Variants in MRC1 observed in about 807,000 individuals in gnomAD.
The protein encoded by MRC1 is macrophage mannose receptor 1.
Under a neutral mutation model 102.9 loss-of-function variants are expected in MRC1, and 62 were observed. The observed-to-expected ratio is 0.60, with a 90% confidence interval of 0.49 to 0.74. The LOEUF is 0.74. MRC1 is among the 30% of genes least tolerant of loss of function. The probability of loss-of-function intolerance (pLI) is 0.00; values close to 1 mark genes in which losing one functional copy is unlikely to be tolerated. For synonymous variants in MRC1, 457 were observed against 298.4 expected, an observed-to-expected ratio of 1.53 and a Z score of -5.48; for missense variants, 1,237 against 862.8, an observed-to-expected ratio of 1.43 and a Z score of -5.43.
intron 7 of MRC1, among the ~76,000 whole-genome samples, chr10:17,851,367 C>T (rs1838913897): frequency 6.6e-6 from 1 of 151,670 alleles, no homozygotes; most frequent in Non-Finnish European, 1.5e-5. Flanking sequence ...TGTTTCTAAA[C>T]AAAAACCTAG....
chr10:17,900,813 A>G lies in MRC1; in HGVS notation c.3509A>G (p.Asp1170Gly). 2 of 780,806 alleles carry G rather than the reference A, an allele frequency of 2.6e-6. No homozygotes were observed. Among genetic ancestry groups the G allele is most frequent in the South Asian group, 2.7e-5 (2 of 74,616 alleles). The allele number at this position is 780,806 out of a possible 1,614,324, so 48.4% of individuals were successfully genotyped here. A position where few individuals can be genotyped will look rare whatever the true frequency, so the allele number is the denominator to read the frequency against. Residue 1170 changes from aspartate (D) to glycine (G), a missense_variant, in exon 25 of 30, where the codon GAT becomes GGT. Physicochemically the swap from Asp to Gly is moderately conservative, Grantham distance 94. Coordinates refer to ENST00000569591, the MANE Select transcript of MRC1 (RefSeq NM_002438.4). ...ACTGATAATCAATACACTTGGACTGATAAGTGGAGGGTGAGGTACACTAAC... is the reference window on the plus strand; with the variant it reads ...ACTGATAATCAATACACTTGGACTGGTAAGTGGAGGGTGAGGTACACTAAC... The part of the protein sequence containing the change: ...NLTDNQYTWT[D>G]KWRVRYTNWA...
intron 1 of MRC1, among the ~76,000 whole-genome samples, chr10:17,811,354 G>A (rs2130565811): frequency 1.3e-5 from 2 of 152,246 alleles, no homozygotes; most frequent in Middle Eastern, 3.4e-3. Flanking sequence ...AATGCTTTGA[G>A]CAATAGTGTT....
intron 17 of MRC1, among the ~76,000 whole-genome samples, chr10:17,876,333 C>T (rs1833437022): frequency 6.6e-6 from 1 of 151,794 alleles, no homozygotes; most frequent in African/African-American, 2.4e-5. Flanking sequence ...CTGCAACCTC[C>T]ACCTACTGGG....
intron 22 of MRC1, among the ~76,000 whole-genome samples, chr10:17,892,020 G>A (rs1168338572): frequency 1.3e-5 from 2 of 152,200 alleles, no homozygotes; most frequent in African/African-American, 4.8e-5. Context: ...GAAAGCTAGA[G>A]AGGCTGGAGT....
rs1430340721 is a variant in MRC1, at chr10:17,845,865, TAA to T, written c.1063+432_1063+433del. Among the ~76,000 whole-genome samples, 11 of 152,200 alleles carry T rather than the reference TAA, an allele frequency of 7.2e-5. 1 individual carries two copies. The highest frequency in any genetic ancestry group is 1.5e-5 in the Non-Finnish European group (1 of 68,036). On this transcript the variant is annotated intron_variant, in intron 6 of 29. Coordinates refer to ENST00000569591, the MANE Select transcript of MRC1 (RefSeq NM_002438.4). ...TGCTATTCAGTGTAGCGTCTTATAC[TAA>T]AGTTTTCATAAAATAGAATAAAATA...
At chr10:17,893,204 G>GGAGTGCA (rs1833706024) in intron 22 of MRC1, among the ~76,000 whole-genome samples, 1 of 143,146 alleles carries the variant, frequency 7.0e-6, no homozygotes, top group Non-Finnish European at 1.5e-5. Flanking sequence ...CAGCTTGGCT[G>GGAGTGCA]GAGTGCAGTG....
intron 15 of MRC1, among the ~76,000 whole-genome samples, chr10:17,872,922 A>G (rs1833374925): frequency 6.6e-6 from 1 of 152,132 alleles, no homozygotes; most frequent in African/African-American, 2.4e-5. Flanking sequence ...AACCATTTCA[A>G]CTCTATGGCT....
At chr10:17,868,508 C>T (rs1018243278) in intron 12 of MRC1, among the ~76,000 whole-genome samples, 1 of 152,178 alleles carries the variant, frequency 6.6e-6, no homozygotes, top group Non-Finnish European at 1.5e-5. Flanking sequence ...CAGGTCCCTC[C>T]TTCAACATGT....
chr10:17,887,233 C>CA (rs1286794135), intron 22 of MRC1, among the ~76,000 whole-genome samples: 8 of 151,702 alleles, frequency 5.3e-5, no homozygotes, highest in East Asian at 3.9e-4. Context: ...ACTAAAAATA[C>CA]AAAAAAAATT....
At chr10:17,850,135 T>C (rs1838891680) in intron 7 of MRC1, among the ~76,000 whole-genome samples, 1 of 152,182 alleles carries the variant, frequency 6.6e-6, no homozygotes, top group Admixed American at 6.6e-5. Flanking sequence ...CTTCTTTTTT[T>C]AGGTCCATAT....
intron 17 of MRC1, 121 bp downstream of exon 17, chr10:17,875,374 A>C: frequency 4.2e-6 from 3 of 719,546 alleles, no homozygotes; most frequent in Non-Finnish European, 7.6e-6. Context: ...TCACCTGAGC[A>C]GTATACGCTG....
intron 28 of MRC1, among the ~76,000 whole-genome samples, chr10:17,908,812 A>C (rs982756110): frequency 1.2e-4 from 19 of 152,140 alleles, no homozygotes; most frequent in Middle Eastern, 3.4e-3. Flanking sequence ...CAGGTGTTCC[A>C]CCTGCCTCAG....
Position 17,833,700 on chromosome 10 carries a change from T to G in MRC1, c.663T>G (p.Asn221Lys). ...TTGAGGGCAGTGAAAGCTTATGGAA[T>G]AAAGACCCGCTGACCAGCGTTTCCT... is the stretch of plus-strand genomic sequence containing the variant. ...LKFEGSESLW[N>K]KDPLTSVSYQ... Residue 221 changes from asparagine to lysine, a missense_variant, in exon 4 of 30, where the codon AAT (asparagine) becomes AAG (lysine). Physicochemically the swap from Asn to Lys is moderately conservative, Grantham distance 94. Coordinates refer to ENST00000569591, the MANE Select transcript of MRC1 (RefSeq NM_002438.4). 1.3e-6 allele frequency: 1 copy of G among 781,040 alleles called. No individual in the cohort carries two copies. The highest frequency in any genetic ancestry group is 1.3e-5 in the South Asian group (1 of 74,622). The allele number at this position is 781,040 out of a possible 1,614,324, so 48.4% of individuals were successfully genotyped here.
At position 17,894,272 on chromosome 10, in the gene MRC1, C is replaced by T. The variant is rs1383149016; in HGVS notation, c.3210C>T (p.Thr1070=). ...AAGCAGGAAAATGGATGGATGATAC[C>T]TGCGACAGTAAACGAGGCTACATAT... ...SNEAGKWMDD[T]CDSKRGYICQ... is the part of the protein sequence containing the mutation. Residue 1070 remains threonine (T), a synonymous_variant, in exon 23 of 30, where the codon ACC becomes ACT. Transcript: ENST00000569591. 9 of 872,312 alleles carry T rather than the reference C, an allele frequency of 1.0e-5. No homozygotes were observed. Among genetic ancestry groups the T allele is most frequent in the African/African-American group, 1.6e-5 (1 of 61,194 alleles). 54.0% of individuals were successfully genotyped at this position (872,312 alleles called of 1,614,324 possible). A position where few individuals can be genotyped will look rare whatever the true frequency, so the allele number is the denominator to read the frequency against.
intron 8 of MRC1, 56 bp from the exon 9 acceptor site, chr10:17,856,186 A>G: frequency 1.3e-6 from 1 of 758,232 alleles, no homozygotes; most frequent in Non-Finnish European, 2.3e-6. Flanking sequence ...AAAAAAAAAA[A>G]AAAGGTCCCC....
rs950412146 is a variant in MRC1, at chr10:17,872,938, T to A, written c.2344+812T>A. Among the ~76,000 whole-genome samples the A allele has an allele frequency of 1.5e-3, 234 of 152,326 alleles. 1 individual carries two copies. Among genetic ancestry groups the A allele is most frequent in the African/African-American group, 5.4e-3 (223 of 41,574 alleles). ...ACCATTTCAACTCTATGGCTGGAGA[T>A]GACTTACTGCTCTGTTTATTTTCCA... On this transcript the variant is annotated intron_variant, in intron 15 of 29. Transcript: ENST00000569591.
At chr10:17,828,072 CTTTA>C (rs1405359434) in intron 3 of MRC1, among the ~76,000 whole-genome samples, 5 of 152,076 alleles carry the variant, frequency 3.3e-5, no homozygotes, top group South Asian at 4.1e-4. Flanking sequence ...CAAGTGACCT[CTTTA>C]TTTATTTATT....
At chr10:17,871,217 G>A (rs1366506424) in intron 14 of MRC1, among the ~76,000 whole-genome samples, 6 of 152,050 alleles carry the variant, frequency 3.9e-5, no homozygotes, top group Admixed American at 3.9e-4. Context: ...ATTCTGGCAC[G>A]TGCTGGCAAT....
chr10:17,847,104 C>T (rs1463295019), intron 6 of MRC1, among the ~76,000 whole-genome samples: 2 of 152,130 alleles, frequency 1.3e-5, no homozygotes, highest in African/African-American at 4.8e-5. Context: ...AGAGAAAGCT[C>T]ACCATTTTTG....
Sources: allele counts gnomAD v4.1 joint callset (sites outside exome capture counted in the v4.1 genomes callset), GRCh38; gene constraint gnomAD v4.1.1; transcripts MANE v1.5; gene names NCBI Gene and HGNC (gene_info 2026-07-23, HGNC 2026-07-21).